The following SLC25A37 variants were observed in gnomAD, a reference collection of about 807,000 sequenced individuals.
The protein encoded by SLC25A37 is mitoferrin-1.
A neutral mutation model predicts 31.0 loss-of-function variants in SLC25A37; 17 were observed. That is an observed-to-expected ratio of 0.55 (90% CI 0.38 to 0.82). The LOEUF is 0.82. Ranked by LOEUF, SLC25A37 falls within the 40% of genes least tolerant of loss-of-function variation. SLC25A37 has a pLI of 0.00. For synonymous variants in SLC25A37, 222 were observed against 193.0 expected (o/e 1.15, Z -1.24); for missense variants, 404 against 465.8 (o/e 0.87, Z 1.22).
Position 23,572,012 on chromosome 8 carries a change from C to T in SLC25A37, c.*157C>T, listed in dbSNP as rs1802866552. On this transcript the variant is annotated 3_prime_UTR_variant, in exon 4 of 4. Transcript: ENST00000519973. ...GAGAGAGGAGGGGACGGCACGGCCG[C>T]TCACCGGAAGGCTGTGTGCGGGGAC... The T allele has an allele frequency of 6.1e-6, 5 of 816,700 alleles. No homozygotes were observed. The South Asian group carries it at 7.5e-5, about 12-fold the overall frequency. The allele number at this position is 816,700 out of a possible 1,614,324, so 50.6% of individuals were successfully genotyped here.
At chr8:23,566,807 T>C (rs1176650024) in intron 2 of SLC25A37, 1 of 986,434 alleles carries the variant, frequency 1.0e-6, no homozygotes, top group Non-Finnish European at 1.2e-6. Context: ...TAACTAAGCT[T>C]TAAAAGGTCA....
chr8:23,548,808 C>G (rs75868440), intron 1 of SLC25A37, among the ~76,000 whole-genome samples: 2 of 152,150 alleles, frequency 1.3e-5, no homozygotes, highest in African/African-American at 4.8e-5. Context: ...GGAAACACAG[C>G]ATTAAGGGTA....
intron 3 of SLC25A37, among the ~76,000 whole-genome samples, chr8:23,569,758 C>G (rs575183311): frequency 7.4e-6 from 1 of 135,396 alleles, no homozygotes; most frequent in Non-Finnish European, 1.7e-5. Context: ...TATATCCCGG[C>G]GTCTTAGCCG....
chr8:23,537,914 T>C (rs951775681), intron 1 of SLC25A37, among the ~76,000 whole-genome samples: 1 of 152,184 alleles, frequency 6.6e-6, no homozygotes, highest in Non-Finnish European at 1.5e-5. Flanking sequence ...TTGCCTTGCA[T>C]GTAAAGCCCG....
At chr8:23,559,350 T>C (rs1802450405) in intron 1 of SLC25A37, among the ~76,000 whole-genome samples, 1 of 151,392 alleles carries the variant, frequency 6.6e-6, no homozygotes, top group South Asian at 2.1e-4. Context: ...TGTGTGTGTG[T>C]GTGCGTGTGT....
At chr8:23,562,187 G>A (rs187901945) in intron 1 of SLC25A37, among the ~76,000 whole-genome samples, 335 of 152,344 alleles carry the variant, frequency 2.2e-3, no homozygotes, top group Non-Finnish European at 3.7e-3. Context: ...AAAGTGTGGG[G>A]GCCTCTCCCC....
At chr8:23,542,376 A>C (rs537551388) in intron 1 of SLC25A37, among the ~76,000 whole-genome samples, 3 of 97,070 alleles carry the variant, frequency 3.1e-5, no homozygotes, top group African/African-American at 5.5e-5. Context: ...GTGTACTCCT[A>C]CTTTTTTTTT....
chr8:23,551,311 G>A (rs893028073), intron 1 of SLC25A37, among the ~76,000 whole-genome samples: 2 of 152,226 alleles, frequency 1.3e-5, no homozygotes, highest in African/African-American at 4.8e-5. Context: ...AGTGAAGAAA[G>A]GTGAATGGGG....
At chr8:23,550,863 A>G (rs1177764925) in intron 1 of SLC25A37, among the ~76,000 whole-genome samples, 2 of 152,208 alleles carry the variant, frequency 1.3e-5, no homozygotes, top group Admixed American at 1.3e-4. Flanking sequence ...GCGGGAGCCC[A>G]GGTCCTCCAG....
chr8:23,564,941 G>C (rs2942195), intron 1 of SLC25A37, among the ~76,000 whole-genome samples: 47,017 of 150,718 alleles, frequency 0.31, 8,012 homozygotes, highest in Non-Finnish European at 0.39. Context: ...ACCTACCTAC[G>C]TACCTACCTA....
chr8:23,569,425 A>ACACACACACACT (rs915435662), intron 3 of SLC25A37, among the ~76,000 whole-genome samples: 3 of 146,268 alleles, frequency 2.1e-5, no homozygotes, highest in African/African-American at 7.4e-5. Flanking sequence ...ACACACACAC[A>ACACACACACACT]CACTCACTCT....
At chr8:23,553,638 C>G (rs528971499) in intron 1 of SLC25A37, among the ~76,000 whole-genome samples, 1 of 152,196 alleles carries the variant, frequency 6.6e-6, no homozygotes, top group Non-Finnish European at 1.5e-5. Flanking sequence ...CCTTTGAATA[C>G]TGACGGAGTG....
rs1240812118 is a variant in SLC25A37, at chr8:23,573,339, C to T, written c.*1484C>T. ...TCAGAGAAAATACAAGCCCGTTTTCCCTAGCTGTGCCATTTGGTGCTCTGC... is the reference window on the plus strand; with the variant it reads ...TCAGAGAAAATACAAGCCCGTTTTCTCTAGCTGTGCCATTTGGTGCTCTGC... On this transcript the variant is annotated 3_prime_UTR_variant, in exon 4 of 4. Coordinates refer to ENST00000519973, the MANE Select transcript of SLC25A37 (RefSeq NM_016612.4). 1 of 154,138 alleles carries T rather than the reference C, an allele frequency of 6.5e-6. No individual in the cohort carries two copies. Among genetic ancestry groups the T allele is most frequent in the South Asian group, 2.0e-4 (1 of 5,120 alleles). The allele number at this position is 154,138 out of a possible 1,614,324, so 9.5% of individuals were successfully genotyped here. A position where few individuals can be genotyped will look rare whatever the true frequency, so the allele number is the denominator to read the frequency against.
chr8:23,567,417 A>T (rs1157553316), intron 2 of SLC25A37: 3 of 152,186 alleles, frequency 2.0e-5, no homozygotes, highest in Admixed American at 6.6e-5. Flanking sequence ...TGCCTTACGT[A>T]ATGGTTTTAC....
intron 2 of SLC25A37, chr8:23,566,624 TTG>T: frequency 8.8e-7 from 1 of 1,138,460 alleles, no homozygotes; most frequent in Non-Finnish European, 1.1e-6. Context: ...GTATTTTTTT[TTG>T]TTTGTTTTGT....
intron 1 of SLC25A37, among the ~76,000 whole-genome samples, chr8:23,546,112 G>GCAA (rs1802030394): frequency 6.6e-6 from 1 of 150,632 alleles, no homozygotes; most frequent in Non-Finnish European, 1.5e-5. Context: ...TCCAGGCCGG[G>GCAA]CAACAAGAGC....
chr8:23,539,564 GGTGTGGGCCCCGTGA>G, intron 1 of SLC25A37, among the ~76,000 whole-genome samples: 1 of 152,192 alleles, frequency 6.6e-6, no homozygotes, highest in East Asian at 1.9e-4. Context: ...ACTGGGGCGG[GGTGTGGGCCCCGTGA>G]ATTTAAGTCC....
At chr8:23,566,086 T>G (rs1294715016) in intron 1 of SLC25A37, 22 bp from the exon 2 acceptor site, 2 of 1,553,472 alleles carry the variant, frequency 1.3e-6, no homozygotes, top group Non-Finnish European at 1.7e-6. Context: ...TTTGTTTGTT[T>G]TCTCTTCTTG....
intron 2 of SLC25A37, chr8:23,566,965 G>C (rs1487587416): frequency 6.2e-6 from 3 of 487,332 alleles, no homozygotes; most frequent in Non-Finnish European, 8.0e-6. Context: ...CATTTTGTTT[G>C]GTTGTTTTGA....
Sources: allele counts gnomAD v4.1 joint callset (sites outside exome capture counted in the v4.1 genomes callset), GRCh38; gene constraint gnomAD v4.1.1; transcripts MANE v1.5; gene names NCBI Gene and HGNC (gene_info 2026-07-23, HGNC 2026-07-21).